The following NKAIN2 variants were observed in gnomAD, a reference collection of about 807,000 sequenced individuals.
NKAIN2 encodes the protein sodium/potassium-transporting ATPase subunit beta-1-interacting protein 2.
NKAIN2 carries 14 observed loss-of-function variants against 32.6 expected under a neutral mutation model. The observed-to-expected ratio is 0.43, with a 90% CI of 0.28 to 0.67. The LOEUF (loss-of-function observed/expected upper bound fraction) is 0.67. Ranked by LOEUF, NKAIN2 falls within the 30% of genes least tolerant of loss-of-function variation. The pLI, the probability that NKAIN2 is intolerant of heterozygous loss-of-function variation, is 0.17. For missense variants in NKAIN2, 198 were observed against 258.3 expected (o/e 0.77, Z 1.60); for synonymous variants, 80 against 87.2 (o/e 0.92, Z 0.46).
chr6:123,854,454 G>A (rs1219524017), intron 1 of NKAIN2, among the ~76,000 whole-genome samples: 1 of 152,066 alleles, frequency 6.6e-6, no homozygotes, highest in South Asian at 2.1e-4. Flanking sequence ...TTGACTGTTT[G>A]CTGGAAATGG....
intron 1 of NKAIN2, among the ~76,000 whole-genome samples, chr6:124,015,348 T>C (rs1348035196): frequency 6.6e-6 from 1 of 152,158 alleles, no homozygotes; most frequent in Non-Finnish European, 1.5e-5. Context: ...TCTTTGCTCT[T>C]AAAAAGAGAT....
At position 124,635,660 on chromosome 6, in the gene NKAIN2, TAGAC is replaced by T. The variant is rs202074746; in HGVS notation, c.274-22523_274-22520del. Among the ~76,000 whole-genome samples, 1,016 of 152,016 alleles carry T rather than the reference TAGAC, an allele frequency of 6.7e-3. 15 individuals are homozygous for T. Among genetic ancestry groups the T allele is most frequent in the African/African-American group, 0.023 (974 of 41,518 alleles). On this transcript the variant is annotated intron_variant, in intron 3 of 6. Transcript: ENST00000368417. ...CAGGAGTTGCTATATTTGGACAAAA[TAGAC>T]AGTAAGTAAAAATCATAAAATATTA...
At chr6:124,285,697 G>T (rs984960242) in intron 2 of NKAIN2, among the ~76,000 whole-genome samples, 2 of 151,956 alleles carry the variant, frequency 1.3e-5, no homozygotes, top group Non-Finnish European at 2.9e-5. Context: ...ACAGTGTGAG[G>T]ATTAAGGGCA....
At chr6:124,427,034 AC>A (rs1469150564) in intron 3 of NKAIN2, among the ~76,000 whole-genome samples, 1 of 152,200 alleles carries the variant, frequency 6.6e-6, no homozygotes, top group East Asian at 1.9e-4. Flanking sequence ...CTGGAAATGG[AC>A]TAATACACAT....
At chr6:123,845,172 C>T (rs1184239980) in intron 1 of NKAIN2, among the ~76,000 whole-genome samples, 1 of 152,098 alleles carries the variant, frequency 6.6e-6, no homozygotes, top group Non-Finnish European at 1.5e-5. Flanking sequence ...CTTCTATTTG[C>T]TGGTAGCTTG....
At chr6:124,285,656 T>G (rs1582990137) in intron 2 of NKAIN2, among the ~76,000 whole-genome samples, 2 of 152,200 alleles carry the variant, frequency 1.3e-5, no homozygotes, top group East Asian at 3.9e-4. Flanking sequence ...TCTGTGTAAC[T>G]TCTGTGCAAC....
chr6:124,578,666 A>T (rs73569295), intron 3 of NKAIN2, among the ~76,000 whole-genome samples: 27,378 of 151,678 alleles, frequency 0.18, 2,708 homozygotes, highest in African/African-American at 0.25. Flanking sequence ...AAGGGAAGAA[A>T]ACGGCATGGC....
chr6:124,123,937 AGTT>A (rs1786019780), intron 1 of NKAIN2, among the ~76,000 whole-genome samples: 3 of 152,128 alleles, frequency 2.0e-5, no homozygotes, highest in Non-Finnish European at 4.4e-5. Context: ...TGGATTGTCC[AGTT>A]GTTATCATAA....
At chr6:124,760,044 G>T (rs1481626109) in intron 4 of NKAIN2, among the ~76,000 whole-genome samples, 2 of 151,940 alleles carry the variant, frequency 1.3e-5, no homozygotes, top group African/African-American at 2.4e-5. Flanking sequence ...GAAAGCTTCC[G>T]CTCAGAGAAT....
At chr6:124,747,045 C>G (rs1415722888) in intron 4 of NKAIN2, among the ~76,000 whole-genome samples, 1 of 151,798 alleles carries the variant, frequency 6.6e-6, no homozygotes, top group Non-Finnish European at 1.5e-5. Flanking sequence ...AATGACTGGC[C>G]ATTATTCTCT....
At chr6:124,639,143 G>A (rs1025226610) in intron 3 of NKAIN2, among the ~76,000 whole-genome samples, 1 of 152,088 alleles carries the variant, frequency 6.6e-6, no homozygotes, top group Admixed American at 6.5e-5. Flanking sequence ...AAGTAAATTA[G>A]TACAGCCATT....
At chr6:124,288,506 C>T (rs1173073919) in intron 2 of NKAIN2, among the ~76,000 whole-genome samples, 2 of 152,120 alleles carry the variant, frequency 1.3e-5, no homozygotes, top group East Asian at 1.9e-4. Context: ...GAGTTTAGAA[C>T]AGAAAACTCT....
chr6:124,751,851 T>TAAATA (rs1163768862), intron 4 of NKAIN2, among the ~76,000 whole-genome samples: 1 of 151,104 alleles, frequency 6.6e-6, no homozygotes, highest in East Asian at 2.0e-4. Context: ...AATAAATAAA[T>TAAATA]ACCTGTAGTC....
At chr6:124,622,255 T>G (rs566089491) in intron 3 of NKAIN2, among the ~76,000 whole-genome samples, 2 of 152,288 alleles carry the variant, frequency 1.3e-5, no homozygotes, top group Admixed American at 1.3e-4. Flanking sequence ...CTTCTTCCGG[T>G]TTTTATAAGA....
chr6:124,215,613 A>C (rs1422714929), intron 1 of NKAIN2, among the ~76,000 whole-genome samples: 1 of 152,200 alleles, frequency 6.6e-6, no homozygotes, highest in Non-Finnish European at 1.5e-5. Flanking sequence ...TTCACTTTTA[A>C]ACTTCTAAAG....
chr6:123,996,950 A>G (rs1054426629), intron 1 of NKAIN2, among the ~76,000 whole-genome samples: 3 of 152,152 alleles, frequency 2.0e-5, no homozygotes, highest in African/African-American at 4.8e-5. Flanking sequence ...ATACTTTTTG[A>G]TATCATCATT....
intron 1 of NKAIN2, among the ~76,000 whole-genome samples, chr6:124,224,861 G>T (rs187393748): frequency 3.3e-5 from 5 of 152,128 alleles, no homozygotes; most frequent in African/African-American, 7.2e-5. Context: ...TGACGACTGG[G>T]TGTAGTAATT....
At chr6:123,862,789 C>T (rs1340997186) in intron 1 of NKAIN2, among the ~76,000 whole-genome samples, 1 of 152,150 alleles carries the variant, frequency 6.6e-6, no homozygotes, top group Non-Finnish European at 1.5e-5. Flanking sequence ...CTCTCAGAGC[C>T]CTTGACTTTC....
At chr6:124,438,999 T>C (rs1775578148) in intron 3 of NKAIN2, among the ~76,000 whole-genome samples, 1 of 152,158 alleles carries the variant, frequency 6.6e-6, no homozygotes, top group South Asian at 2.1e-4. Flanking sequence ...GGAGCTTCAA[T>C]TACCGCTTAT....
Sources: allele counts gnomAD v4.1 joint callset (sites outside exome capture counted in the v4.1 genomes callset), GRCh38; gene constraint gnomAD v4.1.1; transcripts MANE v1.5; gene names NCBI Gene and HGNC (gene_info 2026-07-23, HGNC 2026-07-21).